The following RORA variants were observed in gnomAD, a reference collection of about 807,000 sequenced individuals.
RORA encodes the protein RAR related orphan receptor A, also known as nuclear receptor ROR-alpha.
Under a neutral mutation model 69.5 loss-of-function variants are expected in RORA, and 7 were observed. That is an observed-to-expected ratio of 0.10 (90% CI 0.06 to 0.19). RORA has a LOEUF of 0.19. Ranked by LOEUF, RORA falls within the 10% of genes least tolerant of loss-of-function variation. The pLI is 1.00. For missense variants in RORA, 457 were observed against 663.0 expected, an observed-to-expected ratio of 0.69 and a Z score of 3.41; for synonymous variants, 261 against 240.8, an observed-to-expected ratio of 1.08 and a Z score of -0.78.
intron 1 of RORA, among the ~76,000 whole-genome samples, chr15:61,056,250 T>C (rs2078094872): frequency 6.6e-6 from 1 of 152,224 alleles, no homozygotes; most frequent in African/African-American, 2.4e-5. Context: ...GGCTTTCTCA[T>C]TTAGCACTAC....
intron 1 of RORA, among the ~76,000 whole-genome samples, chr15:60,715,322 G>C (rs1392155390): frequency 6.6e-6 from 1 of 152,204 alleles, no homozygotes; most frequent in African/African-American, 2.4e-5. Flanking sequence ...ACTGAATAAT[G>C]AGAAACTTTT....
At chr15:60,677,770 C>T (rs569223753) in intron 2 of RORA, among the ~76,000 whole-genome samples, 2 of 152,084 alleles carry the variant, frequency 1.3e-5, no homozygotes, top group Non-Finnish European at 2.9e-5. Context: ...GGGATACATC[C>T]TTGTTGTCCC....
chr15:61,032,514 A>C (rs1181251447), intron 1 of RORA, among the ~76,000 whole-genome samples: 2 of 152,212 alleles, frequency 1.3e-5, no homozygotes, highest in African/African-American at 2.4e-5. Context: ...AACGGAGTAG[A>C]CCAAAATTGC....
chr15:61,015,297 G>T (rs1257746577), intron 1 of RORA, among the ~76,000 whole-genome samples: 1 of 152,254 alleles, frequency 6.6e-6, no homozygotes, highest in East Asian at 1.9e-4. Context: ...CTAAGGATTA[G>T]TTCTTTTCCT....
chr15:60,783,873 C>G (rs16943109), intron 1 of RORA, among the ~76,000 whole-genome samples: 2,032 of 152,310 alleles, frequency 0.013, 23 homozygotes, highest in Admixed American at 0.031. Flanking sequence ...GAAGGAAACC[C>G]AGATCCATGT....
At chr15:61,127,653 G>A (rs2079155071) in intron 1 of RORA, among the ~76,000 whole-genome samples, 1 of 152,204 alleles carries the variant, frequency 6.6e-6, no homozygotes, top group Admixed American at 6.5e-5. Context: ...CCTTCTAGAA[G>A]ATTTGTGCTG....
intron 2 of RORA, among the ~76,000 whole-genome samples, chr15:60,555,322 C>T (rs1028806922): frequency 6.6e-6 from 1 of 152,084 alleles, no homozygotes; most frequent in Admixed American, 6.5e-5. Flanking sequence ...TCAAAAGGTT[C>T]CAAAGCCCTT....
rs1183475658 is a variant in RORA at position 60,500,085 on chromosome 15, GATAATT to G, written c.1295-87_1295-82del. 7.3e-6 allele frequency: 6 copies of G among 817,654 alleles called. No homozygotes were observed. The East Asian group carries it at 1.5e-4, about 21-fold the overall frequency. 50.6% of individuals were successfully genotyped at this position (817,654 alleles called of 1,614,324 possible). ...TTCTTCTCCGGATTCTTTTGATACG[GATAATT>G]ATATCACAATGAATATTTAGAGACT... On this transcript the variant is annotated intron_variant, in intron 9 of 10. Coordinates refer to ENST00000335670, the MANE Select transcript of RORA (RefSeq NM_134261.3).
chr15:60,627,120 C>T (rs1388778159), intron 2 of RORA: 5 of 874,896 alleles, frequency 5.7e-6, no homozygotes, highest in Non-Finnish European at 8.9e-6. Context: ...TCATCTTTTC[C>T]TTCACTCGTC....
chr15:60,740,576 G>A (rs989072397), intron 1 of RORA, among the ~76,000 whole-genome samples: 1 of 152,172 alleles, frequency 6.6e-6, no homozygotes, highest in African/African-American at 2.4e-5. Flanking sequence ...TCGAGAGTGT[G>A]CATGCCAGAA....
intron 1 of RORA, among the ~76,000 whole-genome samples, chr15:60,742,254 T>C (rs1174126663): frequency 1.3e-5 from 2 of 152,238 alleles, no homozygotes; most frequent in Non-Finnish European, 2.9e-5. Context: ...TTTGAGTGAT[T>C]ATAAAAATGT....
chr15:60,948,021 G>A (rs1413180565), intron 1 of RORA, among the ~76,000 whole-genome samples: 1 of 152,168 alleles, frequency 6.6e-6, no homozygotes, highest in East Asian at 1.9e-4. Context: ...TGGATGTCAT[G>A]GCTAAGCCAT....
chr15:61,205,019 C>T (rs537058817), intron 1 of RORA, among the ~76,000 whole-genome samples: 6 of 152,342 alleles, frequency 3.9e-5, no homozygotes, highest in African/African-American at 1.4e-4. Context: ...GTTTGGCCTA[C>T]GCTGGGCCAA....
At chr15:60,718,112 T>C (rs2071244187) in intron 1 of RORA, among the ~76,000 whole-genome samples, 1 of 152,200 alleles carries the variant, frequency 6.6e-6, no homozygotes, top group Non-Finnish European at 1.5e-5. Flanking sequence ...GTTCTACGGA[T>C]AGGACCTTCG....
At chr15:60,546,991 C>T (rs2067090427) in intron 2 of RORA, among the ~76,000 whole-genome samples, 1 of 152,184 alleles carries the variant, frequency 6.6e-6, no homozygotes, top group Non-Finnish European at 1.5e-5. Flanking sequence ...TCTGACACAA[C>T]CAAAGATGTG....
At chr15:61,016,666 G>A (rs929176540) in intron 1 of RORA, among the ~76,000 whole-genome samples, 1 of 152,122 alleles carries the variant, frequency 6.6e-6, no homozygotes, top group Admixed American at 6.6e-5. Flanking sequence ...TGTGGATGAA[G>A]CACACCCCAG....
chr15:61,188,196 G>T (rs1489494720), intron 1 of RORA, among the ~76,000 whole-genome samples: 3 of 152,114 alleles, frequency 2.0e-5, no homozygotes, highest in Non-Finnish European at 4.4e-5. Context: ...ATGGGAGTGG[G>T]GATAGGGAAA....
chr15:60,622,908 G>GGA (rs2069456324), intron 2 of RORA, among the ~76,000 whole-genome samples: 1 of 151,908 alleles, frequency 6.6e-6, no homozygotes, highest in Non-Finnish European at 1.5e-5. Flanking sequence ...TAGAGATGGG[G>GGA]TTTCACCATA....
intron 1 of RORA, among the ~76,000 whole-genome samples, chr15:60,869,312 A>G (rs2073526213): frequency 6.6e-6 from 1 of 152,184 alleles, no homozygotes; most frequent in Non-Finnish European, 1.5e-5. Flanking sequence ...TTTTATAAAC[A>G]GATTTTTCTT....
Sources: allele counts gnomAD v4.1 joint callset (sites outside exome capture counted in the v4.1 genomes callset), GRCh38; gene constraint gnomAD v4.1.1; transcripts MANE v1.5; gene names NCBI Gene and HGNC (gene_info 2026-07-23, HGNC 2026-07-21).